MPDZ: variants seen among roughly 807,000 people sequenced by gnomAD.
MPDZ encodes multiple PDZ domain protein.
A neutral mutation model predicts 239.1 loss-of-function variants in MPDZ; 234 were observed. The observed-to-expected ratio is 0.98, with a 90% confidence interval of 0.88 to 1.09. The LOEUF is 1.09. Among genes scored for constraint, MPDZ ranks in the 50% least tolerant of loss-of-function variants. The pLI is 0.00. For missense variants in MPDZ, 3,175 were observed against 2,510.0 expected (o/e 1.26, Z -5.66); for synonymous variants, 1,048 against 881.3 (o/e 1.19, Z -3.35).
intron 22 of MPDZ, chr9:13,165,548 C>T: frequency 1.2e-6 from 1 of 835,694 alleles, no homozygotes; most frequent in Non-Finnish European, 1.8e-6. Flanking sequence ...TTTCCACCTC[C>T]CTCCCATCTA....
chr9:13,183,332 T>C (rs1953623772), intron 19 of MPDZ, 86 bp downstream of exon 19: 12 of 1,055,252 alleles, frequency 1.1e-5, no homozygotes, highest in Non-Finnish European at 1.6e-5. Flanking sequence ...CAATATGTTA[T>C]TCCCACAACT....
chr9:13,217,266 T>C lies in MPDZ; in HGVS notation c.1115A>G (p.Glu372Gly), dbSNP rs778724914. The C allele has an allele frequency of 1.9e-6, 3 of 1,599,412 alleles. No individual in the cohort carries two copies. The highest frequency in any genetic ancestry group is 1.7e-5 in the Admixed American group (1 of 58,552). ...GAGTTCTACATCAAATGTCTCACTT[T>C]CTTCACCTTTCTGAGTAGAAGCATC... Reference protein sequence around the residue: ...RVDASTQKGEESETFDVELTK... With the variant: ...RVDASTQKGEGSETFDVELTK... The change falls in exon 9 of 47, where the codon GAA (glutamate) becomes GGA (glycine). Residue 372 changes from glutamate (E) to glycine (G), a missense_variant. Physicochemically the swap from Glu to Gly is moderately conservative, Grantham distance 98. Coordinates refer to ENST00000319217, the MANE Select transcript of MPDZ (RefSeq NM_001378778.1).
intron 21 of MPDZ, among the ~76,000 whole-genome samples, chr9:13,172,542 C>T (rs753139325): frequency 8.5e-5 from 13 of 152,084 alleles, no homozygotes; most frequent in African/African-American, 2.4e-4. Context: ...ACCACCACCA[C>T]GCTCAGCTAA....
intron 14 of MPDZ, among the ~76,000 whole-genome samples, chr9:13,192,809 G>A (rs1955115871): frequency 1.3e-5 from 2 of 152,114 alleles, no homozygotes; most frequent in Admixed American, 1.3e-4. Context: ...AGAACTGGAT[G>A]AATTGGGACA....
rs532098506 is a variant in MPDZ, at chr9:13,147,662, C to A, written c.3631-4G>T. On this transcript the variant is annotated splice_region_variant and splice_polypyrimidine_tract_variant and intron_variant, in intron 25 of 46. Transcript: ENST00000319217. Reference sequence around the variant, plus strand: ...CTCTGAGGTCCATTCCATCCACCTGCAATGGAAGGCCTCAGCTTAACATTT... The same window carrying A: ...CTCTGAGGTCCATTCCATCCACCTGAAATGGAAGGCCTCAGCTTAACATTT... 8.1e-6 allele frequency: 13 copies of A among 1,601,410 alleles called. No homozygotes were observed. In the African/African-American group the frequency reaches 1.6e-4, roughly 20 times the overall value.
intron 39 of MPDZ, among the ~76,000 whole-genome samples, chr9:13,116,507 C>G (rs1343266614): frequency 6.6e-6 from 1 of 152,152 alleles, no homozygotes; most frequent in Non-Finnish European, 1.5e-5. Context: ...GAATCATACT[C>G]TGAAAGGTCA....
chr9:13,234,560 G>A (rs1445126455), intron 3 of MPDZ, among the ~76,000 whole-genome samples: 1 of 152,022 alleles, frequency 6.6e-6, no homozygotes, highest in Admixed American at 6.6e-5. Context: ...AGAATAAAAT[G>A]ACCAAAATAC....
At position 13,126,497 on chromosome 9, in the gene MPDZ, C is replaced by G; in HGVS notation, c.4632+19G>C. The G allele has an allele frequency of 6.5e-7, 1 of 1,533,770 alleles. No homozygotes were observed. Among genetic ancestry groups the G allele is most frequent in the Non-Finnish European group, 8.8e-7 (1 of 1,131,198 alleles). ...AAGGATGGGCCTACATTACCATTTA[C>G]TTTATTTTGGAAAATTACCTTTTCA... is the stretch of plus-strand genomic sequence containing the variant. On this transcript the variant is annotated intron_variant, in intron 34 of 46. Transcript: ENST00000319217.
chr9:13,130,725 A>G (rs987318383), intron 32 of MPDZ, among the ~76,000 whole-genome samples: 2 of 152,228 alleles, frequency 1.3e-5, no homozygotes, highest in African/African-American at 4.8e-5. Flanking sequence ...GGATTTATAT[A>G]AGTTAAAAGA....
chr9:13,279,522 G>C lies in MPDZ; in HGVS notation c.-180C>G, dbSNP rs1564193557. ...TCACTGTCTTCTCTTCTGAAGTAAC[G>C]ACCCGGCGAGGAGCTTCGGATCAAA... On this transcript the variant is annotated 5_prime_UTR_variant, in exon 1 of 47. Coordinates refer to ENST00000319217, the MANE Select transcript of MPDZ (RefSeq NM_001378778.1). 1 of 41,886 alleles carries C rather than the reference G, an allele frequency of 2.4e-5. No homozygotes were observed. Among genetic ancestry groups the C allele is most frequent in the Non-Finnish European group, 5.3e-5 (1 of 18,988 alleles). 2.6% of individuals were successfully genotyped at this position (41,886 alleles called of 1,614,324 possible). A position where few individuals can be genotyped will look rare whatever the true frequency, so the allele number is the denominator to read the frequency against.
intron 3 of MPDZ, among the ~76,000 whole-genome samples, chr9:13,230,444 A>G (rs1962057689): frequency 2.0e-5 from 3 of 152,172 alleles, no homozygotes; most frequent in Admixed American, 1.3e-4. Context: ...ACTGAAAAAT[A>G]AAAGAAGAAA....
intron 18 of MPDZ, among the ~76,000 whole-genome samples, chr9:13,185,112 C>T (rs529094980): frequency 3.3e-5 from 5 of 151,984 alleles, no homozygotes; most frequent in African/African-American, 9.6e-5. Flanking sequence ...GTATGTAATT[C>T]GTTGTATATA....
At chr9:13,228,771 A>G (rs920657353) in intron 3 of MPDZ, among the ~76,000 whole-genome samples, 1 of 152,158 alleles carries the variant, frequency 6.6e-6, no homozygotes, top group Admixed American at 6.6e-5. Flanking sequence ...TGTTTTATCA[A>G]TTCACCTATA....
chr9:13,206,813 A>G (rs1957055480), intron 10 of MPDZ, among the ~76,000 whole-genome samples: 1 of 152,068 alleles, frequency 6.6e-6, no homozygotes, highest in Non-Finnish European at 1.5e-5. Flanking sequence ...AAGTGCTGAG[A>G]TTACAGGCGT....
At chr9:13,247,491 A>G in intron 3 of MPDZ, 144 bp downstream of exon 3, 3 of 813,504 alleles carry the variant, frequency 3.7e-6, no homozygotes, top group Non-Finnish European at 5.4e-6. Flanking sequence ...AGCCACAGTG[A>G]ATCTGAATGT....
At chr9:13,230,432 C>T (rs1218425500) in intron 3 of MPDZ, among the ~76,000 whole-genome samples, 4 of 151,990 alleles carry the variant, frequency 2.6e-5, no homozygotes, top group African/African-American at 9.7e-5. Context: ...ATAAGAAATA[C>T]TACTGAAAAA....
intron 1 of MPDZ, among the ~76,000 whole-genome samples, chr9:13,255,599 A>C (rs1029889224): frequency 1.3e-5 from 2 of 152,350 alleles, no homozygotes; most frequent in Admixed American, 1.3e-4. Context: ...AACAACATTC[A>C]TCTCTCTTGA....
At chr9:13,271,830 G>C (rs187644341) in intron 1 of MPDZ, among the ~76,000 whole-genome samples, 61 of 152,272 alleles carry the variant, frequency 4.0e-4, no homozygotes, top group African/African-American at 1.2e-3. Context: ...ACTGAACTAT[G>C]AATACAGGCA....
At position 13,147,660 on chromosome 9, in the gene MPDZ, T is replaced by C. The variant is rs757886671; in HGVS notation, c.3631-2A>G. ...ATCTCTGAGGTCCATTCCATCCACC[T>C]GCAATGGAAGGCCTCAGCTTAACAT... On this transcript the variant is annotated splice_acceptor_variant, in intron 25 of 46. Transcript: ENST00000319217. LOFTEE classifies it high-confidence loss of function. 39 of 1,606,506 alleles carry C rather than the reference T, an allele frequency of 2.4e-5. No homozygotes were observed. Among genetic ancestry groups the C allele is most frequent in the Non-Finnish European group, 3.1e-5 (36 of 1,174,146 alleles).
Sources: allele counts gnomAD v4.1 joint callset (sites outside exome capture counted in the v4.1 genomes callset), GRCh38; gene constraint gnomAD v4.1.1; transcripts MANE v1.5; gene names NCBI Gene and HGNC (gene_info 2026-07-23, HGNC 2026-07-21).